Variants in ANK3 observed in about 807,000 individuals in gnomAD.
The protein encoded by ANK3 is ankyrin 3, also known as ankyrin-3.
Under a neutral mutation model 370.9 loss-of-function variants are expected in ANK3, and 57 were observed. The ratio of observed to expected loss-of-function variants is 0.15; its 90% confidence interval spans 0.12 to 0.19. The LOEUF (loss-of-function observed/expected upper bound fraction) is 0.19, where lower values mean the gene tolerates loss of function less well. Among genes scored for constraint, ANK3 ranks in the 10% least tolerant of loss-of-function variants. The pLI is 1.00. For synonymous variants in ANK3, 1,929 were observed against 1,946.3 expected (o/e 0.99, Z 0.23); for missense variants, 4,439 against 5,302.1 (o/e 0.84, Z 5.06).
At chr10:60,296,305 A>C (rs1380940973) in intron 1 of ANK3, among the ~76,000 whole-genome samples, 1 of 152,206 alleles carries the variant, frequency 6.6e-6, no homozygotes. Flanking sequence ...GTGACAAATA[A>C]GCAACAAATT....
chr10:60,201,251 G>A (rs1024968620), intron 12 of ANK3, among the ~76,000 whole-genome samples: 1 of 152,220 alleles, frequency 6.6e-6, no homozygotes, highest in Non-Finnish European at 1.5e-5. Flanking sequence ...AGGAAAGACT[G>A]TATTTCATCT....
chr10:60,398,396 G>A lies in ANK3; in HGVS notation c.97-118757C>T, dbSNP rs143577399. 1.1e-3 allele frequency among the ~76,000 whole-genome samples: 168 copies of A among 152,190 alleles called. No individual in the cohort carries two copies. The Middle Eastern group carries it at 0.017, about 16-fold the overall frequency. On this transcript the variant is annotated intron_variant, in intron 2 of 43. Transcript: ENST00000373827. ...TTGGGAAAGGGTGAATGGACAGCATGGTCAAAACCTGATGCTTGGAATATT... is the reference window on the plus strand; with the variant it reads ...TTGGGAAAGGGTGAATGGACAGCATAGTCAAAACCTGATGCTTGGAATATT...
intron 1 of ANK3, among the ~76,000 whole-genome samples, chr10:60,719,093 C>A (rs2079828259): frequency 6.6e-6 from 1 of 152,106 alleles, no homozygotes; most frequent in Non-Finnish European, 1.5e-5. Context: ...CTTTCTTTTG[C>A]TTTTTGTTTT....
intron 1 of ANK3, among the ~76,000 whole-genome samples, chr10:60,284,606 A>G (rs1331951262): frequency 6.6e-6 from 1 of 152,092 alleles, no homozygotes; most frequent in Non-Finnish European, 1.5e-5. Flanking sequence ...CAGTTCATCC[A>G]TTTGTCTCTC....
chr10:60,733,346 T>C (rs2094443407), exon 1 of ANK3: 2 of 1,232,518 alleles, frequency 1.6e-6, no homozygotes, highest in African/African-American at 3.1e-5. Flanking sequence ...TGCTGCTCCT[T>C]CCAGGAACTC....
intron 7 of ANK3, among the ~76,000 whole-genome samples, chr10:60,251,366 C>T (rs1348682414): frequency 6.6e-6 from 1 of 152,132 alleles, no homozygotes; most frequent in Non-Finnish European, 1.5e-5. Context: ...TCCTGGGACA[C>T]CTCACTGCTC....
chr10:60,064,270 T>G lies in ANK3; in HGVS notation c.12338A>C (p.Asn4113Thr). 1 of 1,575,306 alleles carries G rather than the reference T, an allele frequency of 6.3e-7. No homozygotes were observed. Among genetic ancestry groups the G allele is most frequent in the Non-Finnish European group, 8.6e-7 (1 of 1,168,752 alleles). The change falls in exon 39 of 44, where the codon AAT becomes ACT. Residue 4113 changes from asparagine to threonine, a missense_variant. Transcript: ENST00000280772. ...LSWTELAREL[N>T]FSVDEINQIR... ...TTGATTGATTTCATCCACTGAAAAA[T>G]TCAGTTCCCTTGCCAGTTCTGTAGA...
Position 60,486,203 on chromosome 10 carries a change from C to T in ANK3, c.96+128983G>A, listed in dbSNP as rs939536335. Among the ~76,000 whole-genome samples the T allele has an allele frequency of 2.4e-4, 36 of 152,198 alleles. 2 individuals carry two copies. Among genetic ancestry groups the T allele is most frequent in the Non-Finnish European group, 1.5e-5 (1 of 68,038 alleles). On this transcript the variant is annotated intron_variant, in intron 2 of 43. Coordinates refer to the ANK3 transcript ENST00000373827. ...AATTAGCAATTTCATAATTAAATCT[C>T]ATTGATCCTCTAATAAAAAGAATAG...
At chr10:60,167,770 T>A (rs2095662056) in intron 21 of ANK3, among the ~76,000 whole-genome samples, 1 of 151,996 alleles carries the variant, frequency 6.6e-6, no homozygotes, top group Non-Finnish European at 1.5e-5. Context: ...TTGTTAAAAC[T>A]AAAAAAAGGT....
chr10:60,326,846 C>T (rs1219579783), intron 1 of ANK3, among the ~76,000 whole-genome samples: 1 of 150,990 alleles, frequency 6.6e-6, no homozygotes, highest in African/African-American at 2.4e-5. Flanking sequence ...ACAGTGAAAC[C>T]CCGTCTCTAC....
chr10:60,083,872 T>C, intron 32 of ANK3: 2 of 295,120 alleles, frequency 6.8e-6, no homozygotes, highest in Non-Finnish European at 1.2e-5. Flanking sequence ...ACTTTAAAAA[T>C]ATTTAAGAAT....
intron 1 of ANK3, among the ~76,000 whole-genome samples, chr10:60,709,940 AAT>A (rs2079679600): frequency 6.6e-6 from 1 of 152,232 alleles, no homozygotes; most frequent in South Asian, 2.1e-4. Context: ...TTACAAGATG[AAT>A]CATCTGTCTG....
chr10:60,685,034 A>T, intron 1 of ANK3: 1 of 1,512,914 alleles, frequency 6.6e-7, no homozygotes, highest in Non-Finnish European at 9.1e-7. Flanking sequence ...GGCCTAAAGG[A>T]AGGACTTGAG....
intron 2 of ANK3, among the ~76,000 whole-genome samples, chr10:60,495,912 A>G (rs1240203375): frequency 1.3e-5 from 2 of 152,148 alleles, no homozygotes; most frequent in African/African-American, 2.4e-5. Context: ...AAGGCATTTA[A>G]TAAGTGTTCT....
chr10:60,720,638 C>T (rs1000755523), intron 1 of ANK3, among the ~76,000 whole-genome samples: 1 of 152,136 alleles, frequency 6.6e-6, no homozygotes, highest in Non-Finnish European at 1.5e-5. Flanking sequence ...CAGGGTCTTG[C>T]TCTGTTGCCC....
rs2096725188 is a variant in ANK3, at chr10:60,204,099, A to G, written c.1294-999T>C. 3.3e-5 allele frequency among the ~76,000 whole-genome samples: 5 copies of G among 152,358 alleles called. No individual in the cohort carries two copies. The South Asian group carries it at 6.2e-4, about 19-fold the overall frequency. On this transcript the variant is annotated intron_variant, in intron 11 of 43. Transcript: ENST00000280772. ...GTCAAAAATATATGAAAGGAATTCT[A>G]TACAATCAAAGTGAGGTAAAAGACA... is the stretch of plus-strand genomic sequence containing the variant.
intron 36 of ANK3, among the ~76,000 whole-genome samples, chr10:60,080,216 G>T (rs2084858729): frequency 6.6e-6 from 1 of 152,016 alleles, no homozygotes; most frequent in African/African-American, 2.4e-5. Context: ...TCTGAGCATA[G>T]ATCTAAAGCA....
intron 1 of ANK3, among the ~76,000 whole-genome samples, chr10:60,311,744 G>A (rs2132849842): frequency 6.6e-6 from 1 of 152,316 alleles, no homozygotes; most frequent in South Asian, 2.1e-4. Context: ...CACCTGGAAT[G>A]CTGTCTTCCT....
intron 1 of ANK3, among the ~76,000 whole-genome samples, chr10:60,680,151 G>A (rs1267164845): frequency 2.3e-5 from 3 of 131,270 alleles, no homozygotes; most frequent in Admixed American, 7.8e-5. Flanking sequence ...AAAAAAAAAA[G>A]GAAAGAAAGA....
Sources: gnomAD v4.1 joint callset for allele counts (sites outside exome capture counted in the v4.1 genomes callset) on GRCh38, gnomAD v4.1.1 for gene constraint, MANE v1.5 for transcripts, NCBI Gene and HGNC (gene_info 2026-07-23, HGNC 2026-07-21) for gene names.